EHHADH: variants seen among roughly 807,000 people sequenced by gnomAD.
EHHADH encodes peroxisomal bifunctional enzyme.
EHHADH carries 48 observed loss-of-function variants against 64.4 expected under a neutral mutation model. That is an observed-to-expected ratio of 0.75 (90% CI 0.59 to 0.95). The LOEUF is 0.95. Ranked by LOEUF, EHHADH falls within the 40% of genes least tolerant of loss-of-function variation. The pLI is 0.00. For missense variants in EHHADH, 854 were observed against 876.6 expected (o/e 0.97, Z 0.33); for synonymous variants, 308 against 326.7 (o/e 0.94, Z 0.62).
intron 6 of EHHADH, among the ~76,000 whole-genome samples, chr3:185,195,630 C>A (rs76423587): frequency 0.02 from 2,993 of 152,266 alleles, 102 homozygotes; most frequent in African/African-American, 0.067. Context: ...CTTGCAACAA[C>A]ATAGATGCAG....
intron 1 of EHHADH, 178 bp downstream of exon 1, chr3:185,253,771 A>G (rs1384000186): frequency 7.4e-7 from 1 of 1,348,850 alleles, no homozygotes; most frequent in East Asian, 2.7e-5. Flanking sequence ...TAAAAAAAAA[A>G]AAAAAGAAAA....
chr3:185,204,628 C>T lies in EHHADH; in HGVS notation c.698G>A (p.Cys233Tyr). The T allele has an allele frequency of 6.2e-7, 1 of 1,614,226 alleles. No homozygotes were observed. Among genetic ancestry groups the T allele is most frequent in the Non-Finnish European group, 8.5e-7 (1 of 1,180,030 alleles). The change falls in exon 6 of 7, where the codon TGT becomes TAT. Residue 233 changes from cysteine (C) to tyrosine (Y), a missense_variant. Coordinates refer to ENST00000231887, the MANE Select transcript of EHHADH (RefSeq NM_001966.4). ...QHPGCLAQEA[C>Y]VRAVQAAVQY... ...CACAGCAGCCTGGACTGCACGGACA[C>T]AAGCCTCCTGTGCAAGACACCCAGG...
At chr3:185,205,305 GT>G (rs1245607116) in intron 5 of EHHADH, among the ~76,000 whole-genome samples, 4 of 152,050 alleles carry the variant, frequency 2.6e-5, no homozygotes, top group African/African-American at 4.8e-5. Context: ...CCAGAAGTTG[GT>G]TTTTCAACCT....
At chr3:185,199,770 C>T (rs968447609) in intron 6 of EHHADH, among the ~76,000 whole-genome samples, 1 of 152,074 alleles carries the variant, frequency 6.6e-6, no homozygotes, top group Non-Finnish European at 1.5e-5. Context: ...TTTAGAGATA[C>T]AGTCTTGCTC....
At chr3:185,233,240 A>G (rs1719185855) in intron 3 of EHHADH, among the ~76,000 whole-genome samples, 1 of 152,246 alleles carries the variant, frequency 6.6e-6, no homozygotes, top group Non-Finnish European at 1.5e-5. Context: ...GCTACAGAGG[A>G]GCAAATTTTT....
At position 185,192,200 on chromosome 3, in the gene EHHADH, T is replaced by C. The variant is rs1009449577; in HGVS notation, c.*26A>G. On this transcript the variant is annotated 3_prime_UTR_variant, in exon 7 of 7. Coordinates refer to ENST00000231887, the MANE Select transcript of EHHADH (RefSeq NM_001966.4). ...CAGTCAGCATTACCTGATGCTAGCA[T>C]GTGAGGCATAATCTGGAAGACTGAA... 3.1e-6 allele frequency: 5 copies of C among 1,592,940 alleles called. No individual in the cohort carries two copies. The highest frequency in any genetic ancestry group is 2.2e-5 in the East Asian group (1 of 44,726).
At position 185,192,724 on chromosome 3, in the gene EHHADH, G is replaced by A. The variant is rs759750020; in HGVS notation, c.1674C>T (p.Tyr558=). The A allele has an allele frequency of 2.4e-5, 39 of 1,614,128 alleles. No homozygotes were observed. The South Asian group carries it at 4.1e-4, about 17-fold the overall frequency. ...TPARKRGNRR[Y]CPIPDVLCEL... is the part of the protein sequence containing the mutation. Reference sequence around the variant, plus strand: ...CACAGAGCACATCAGGAATTGGGCAGTACCTCCTATTACCCCTTTTTCGGG... The same window carrying A: ...CACAGAGCACATCAGGAATTGGGCAATACCTCCTATTACCCCTTTTTCGGG... Residue 558 remains tyrosine (Y), a synonymous_variant, in exon 7 of 7, where the codon TAC becomes TAT. Coordinates refer to ENST00000231887, the MANE Select transcript of EHHADH (RefSeq NM_001966.4).
chr3:185,241,496 T>A (rs1165821675), intron 2 of EHHADH, among the ~76,000 whole-genome samples: 1 of 152,202 alleles, frequency 6.6e-6, no homozygotes. Flanking sequence ...TGACCATTCT[T>A]GCGGGAGTAA....
intron 2 of EHHADH, among the ~76,000 whole-genome samples, chr3:185,238,900 G>A (rs1249129694): frequency 6.6e-6 from 1 of 151,968 alleles, no homozygotes; most frequent in Non-Finnish European, 1.5e-5. Flanking sequence ...TATTCATCCA[G>A]GAATTTTTAT....
chr3:185,242,306 A>G (rs1288795719), intron 2 of EHHADH, among the ~76,000 whole-genome samples: 1 of 152,218 alleles, frequency 6.6e-6, no homozygotes, highest in African/African-American at 2.4e-5. Flanking sequence ...TCACAGAATT[A>G]GAAAAAGAAT....
intron 4 of EHHADH, among the ~76,000 whole-genome samples, chr3:185,218,631 A>G (rs9852812): frequency 0.79 from 119,878 of 152,056 alleles, 48,055 homozygotes; most frequent in Non-Finnish European, 0.86. Flanking sequence ...GAAATGTGAG[A>G]TGTTTAGTTT....
chr3:185,253,987 C>A lies in EHHADH; in HGVS notation c.36G>T (p.Ala12=). 1 of 1,613,916 alleles carries A rather than the reference C, an allele frequency of 6.2e-7. No homozygotes were observed. The highest frequency in any genetic ancestry group is 8.5e-7 in the Non-Finnish European group (1 of 1,179,932). The change falls in exon 1 of 7, where the codon GCG becomes GCT. Residue 12 remains alanine (A), a synonymous_variant. Coordinates refer to ENST00000231887, the MANE Select transcript of EHHADH (RefSeq NM_001966.4). ...CCGGCGGGTTTCGGAGGCGGATTAGCGCCAAGGCGTTGTGCAGCCGCGTAT... is the reference window on the plus strand; with the variant it reads ...CCGGCGGGTTTCGGAGGCGGATTAGAGCCAAGGCGTTGTGCAGCCGCGTAT... ...AEYTRLHNAL[A]LIRLRNPPVN... is the part of the protein sequence containing the mutation.
intron 4 of EHHADH, chr3:185,226,691 C>T (rs1366364351): frequency 1.3e-5 from 2 of 151,850 alleles, no homozygotes; most frequent in Non-Finnish European, 2.9e-5. Flanking sequence ...AAAGTAGATC[C>T]TCCAGATGAC....
intron 1 of EHHADH, among the ~76,000 whole-genome samples, chr3:185,252,949 TAGA>T (rs1165990485): frequency 6.6e-6 from 1 of 152,076 alleles, no homozygotes; most frequent in Admixed American, 6.5e-5. Flanking sequence ...TTAAGAGATG[TAGA>T]AGGACCAAAC....
In EHHADH at chr3:185,204,510, G is replaced by A. The variant is rs1718327773; in HGVS notation, c.816C>T (p.Phe272=). 6.2e-7 allele frequency: 1 copy of A among 1,614,180 alleles called. No homozygotes were observed. The highest frequency in any genetic ancestry group is 1.3e-5 in the African/African-American group (1 of 75,046). Residue 272 remains phenylalanine (F), a synonymous_variant, in exon 6 of 7, where the codon TTC becomes TTT. Transcript: ENST00000231887. The stretch of plus-strand genomic sequence containing the variant: ...ACTTATTTGCTTTCCTTTCAGCGAA[G>A]AAAGCATATTGCAGGGCTCTAGCCT... The part of the protein sequence containing the change: ...SGQARALQYA[F]FAERKANKWS...
At chr3:185,211,462 T>G (rs1228897139) in intron 5 of EHHADH, among the ~76,000 whole-genome samples, 1 of 152,234 alleles carries the variant, frequency 6.6e-6, no homozygotes, top group East Asian at 1.9e-4. Context: ...CCCTTCTTCT[T>G]CTGCTGTAAT....
intron 1 of EHHADH, among the ~76,000 whole-genome samples, chr3:185,250,226 T>C (rs1426295111): frequency 2.0e-5 from 3 of 152,232 alleles, no homozygotes; most frequent in Non-Finnish European, 4.4e-5. Flanking sequence ...ATAGGGCATG[T>C]AGCAGATTTT....
chr3:185,251,205 C>G, intron 1 of EHHADH, among the ~76,000 whole-genome samples: 1 of 82,214 alleles, frequency 1.2e-5, no homozygotes. Context: ...TATAGAAGGT[C>G]TTTCCTTTTT....
intron 3 of EHHADH, among the ~76,000 whole-genome samples, chr3:185,233,385 G>T (rs73052818): frequency 0.045 from 6,848 of 152,052 alleles, 506 homozygotes; most frequent in African/African-American, 0.15. Flanking sequence ...CAGCAAGAAA[G>T]TTACAAGGGT....
Sources: gnomAD v4.1 joint callset for allele counts (sites outside exome capture counted in the v4.1 genomes callset) on GRCh38, gnomAD v4.1.1 for gene constraint, MANE v1.5 for transcripts, NCBI Gene and HGNC (gene_info 2026-07-23, HGNC 2026-07-21) for gene names.